Variants in NRG3 observed in about 807,000 individuals in gnomAD.
NRG3 encodes pro-neuregulin-3, membrane-bound isoform.
In NRG3, 31 loss-of-function variants were observed where a neutral mutation model predicts 66.9. The ratio of observed to expected loss-of-function variants is 0.46; its 90% CI spans 0.35 to 0.63. The LOEUF (loss-of-function observed/expected upper bound fraction) is 0.63, where lower values mean the gene tolerates loss of function less well. NRG3 is among the 20% of genes least tolerant of loss of function. NRG3 has a pLI of 0.00. For synonymous variants in NRG3, 393 were observed against 359.4 expected (o/e 1.09, Z -1.06); for missense variants, 910 against 878.9 (o/e 1.04, Z -0.45).
chr10:82,530,543 T>G (rs1231414036), intron 2 of NRG3, among the ~76,000 whole-genome samples: 1 of 152,118 alleles, frequency 6.6e-6, no homozygotes, highest in East Asian at 1.9e-4. Flanking sequence ...GAATCATATA[T>G]AACTTTTTTT....
Position 81,876,862 on chromosome 10 carries a change from G to C in NRG3, c.823+699G>C, listed in dbSNP as rs148321683. 1.6e-3 allele frequency among the ~76,000 whole-genome samples: 244 copies of C among 152,158 alleles called. 1 individual carries two copies. The highest frequency in any genetic ancestry group is 1.9e-3 in the Non-Finnish European group (126 of 67,986). ...TAGATTCTGTGACCGCCGAGAGTGA[G>C]TTAACTAGGAGGAAATATGAAGGGA... On this transcript the variant is annotated intron_variant, in intron 1 of 8. Coordinates refer to ENST00000372141, the MANE Select transcript of NRG3 (RefSeq NM_001010848.4).
rs1256913958 is a variant in NRG3 at position 82,152,649 on chromosome 10, A to C, written c.824-206090A>C. 2.0e-5 allele frequency among the ~76,000 whole-genome samples: 3 copies of C among 152,054 alleles called. No homozygotes were observed. In the East Asian group the frequency reaches 5.8e-4, roughly 29 times the overall value. On this transcript the variant is annotated intron_variant, in intron 1 of 8. Transcript: ENST00000372141. ...TTTGGACCTCAGCTCCCTCATTGTCAAATAGATAATAATTCCCATCTCACA... is the reference window on the plus strand; with the variant it reads ...TTTGGACCTCAGCTCCCTCATTGTCCAATAGATAATAATTCCCATCTCACA...
intron 2 of NRG3, among the ~76,000 whole-genome samples, chr10:82,730,530 T>C (rs2057849353): frequency 6.6e-6 from 1 of 152,234 alleles, no homozygotes; most frequent in Non-Finnish European, 1.5e-5. Flanking sequence ...TCAAGAGTTC[T>C]AAAGCAGCCG....
At chr10:82,392,011 C>CAAAAAAAAAAAAAAAAAA in intron 2 of NRG3, among the ~76,000 whole-genome samples, 1 of 73,170 alleles carries the variant, frequency 1.4e-5, no homozygotes, top group Non-Finnish European at 2.7e-5. Flanking sequence ...AAAAAAAAAA[C>CAAAAAAAAAAAAAAAAAA]AAAAAAAAAA....
At chr10:82,886,068 G>A (rs1254355258) in intron 4 of NRG3, among the ~76,000 whole-genome samples, 1 of 151,968 alleles carries the variant, frequency 6.6e-6, no homozygotes, top group Non-Finnish European at 1.5e-5. Flanking sequence ...GTTTTGCCAC[G>A]TTGGCCAGGC....
intron 1 of NRG3, among the ~76,000 whole-genome samples, chr10:82,332,018 G>A (rs2082159250): frequency 6.6e-6 from 1 of 152,138 alleles, no homozygotes; most frequent in Non-Finnish European, 1.5e-5. Context: ...ATGGGCAATT[G>A]TTTGCCCACT....
intron 3 of NRG3, among the ~76,000 whole-genome samples, chr10:82,797,158 C>T (rs971220938): frequency 2.6e-5 from 4 of 152,048 alleles, no homozygotes; most frequent in Admixed American, 2.0e-4. Flanking sequence ...AAAGTCTTTC[C>T]TGCTCTGGAC....
chr10:81,959,525 A>G (rs1850154742), intron 1 of NRG3, among the ~76,000 whole-genome samples: 1 of 152,046 alleles, frequency 6.6e-6, no homozygotes, highest in African/African-American at 2.4e-5. Flanking sequence ...CTTATTACAG[A>G]TTGTATATTA....
At chr10:82,794,697 T>C (rs147179788) in intron 3 of NRG3, among the ~76,000 whole-genome samples, 3 of 152,150 alleles carry the variant, frequency 2.0e-5, no homozygotes, top group African/African-American at 4.8e-5. Context: ...CCCTCAAGCT[T>C]AACTTCCAAT....
intron 2 of NRG3, among the ~76,000 whole-genome samples, chr10:82,557,001 T>C (rs1269857457): frequency 6.6e-6 from 1 of 152,232 alleles, no homozygotes; most frequent in African/African-American, 2.4e-5. Flanking sequence ...TAGTATTCCA[T>C]GTTGTACATG....
chr10:82,543,298 G>T (rs1395837542), intron 2 of NRG3, among the ~76,000 whole-genome samples: 3 of 152,026 alleles, frequency 2.0e-5, no homozygotes, highest in Non-Finnish European at 2.9e-5. Flanking sequence ...CCCTAATTTT[G>T]TCATCATTTT....
chr10:82,171,765 C>T (rs953334706), intron 1 of NRG3, among the ~76,000 whole-genome samples: 1 of 151,988 alleles, frequency 6.6e-6, no homozygotes, highest in Non-Finnish European at 1.5e-5. Context: ...GATATTCTGG[C>T]CACTGCATCC....
At chr10:82,596,262 AG>A (rs1285512979) in intron 2 of NRG3, among the ~76,000 whole-genome samples, 1 of 152,192 alleles carries the variant, frequency 6.6e-6, no homozygotes, top group African/African-American at 2.4e-5. Context: ...TTGTGCTTAA[AG>A]CATGAGAAGT....
intron 2 of NRG3, among the ~76,000 whole-genome samples, chr10:82,668,136 C>T (rs2134013587): frequency 6.6e-6 from 1 of 152,244 alleles, no homozygotes; most frequent in South Asian, 2.1e-4. Context: ...CGCACCCTCT[C>T]CTTTTTAACT....
At chr10:82,162,898 G>A (rs1457551756) in intron 1 of NRG3, among the ~76,000 whole-genome samples, 1 of 152,122 alleles carries the variant, frequency 6.6e-6, no homozygotes, top group Non-Finnish European at 1.5e-5. Context: ...TAAACCATGT[G>A]AATCTCCTCC....
chr10:82,199,585 T>G (rs1338295330), intron 1 of NRG3, among the ~76,000 whole-genome samples: 1 of 152,228 alleles, frequency 6.6e-6, no homozygotes, highest in Non-Finnish European at 1.5e-5. Context: ...GAAATAGTTT[T>G]AGGCAGTTTA....
In NRG3 at chr10:82,756,584, C is replaced by A. The variant is rs368959323; in HGVS notation, c.1027+17934C>A. On this transcript the variant is annotated intron_variant, in intron 3 of 8. Transcript: ENST00000372141. The stretch of plus-strand genomic sequence containing the variant: ...ATTTCACAAGTAAGTACAAATTCTT[C>A]TTTTCAGAGTGGAGAAAGAAATATA... 3.6e-4 allele frequency among the ~76,000 whole-genome samples: 55 copies of A among 152,194 alleles called. 1 individual carries two copies. The highest frequency in any genetic ancestry group is 1.2e-3 in the African/African-American group (50 of 41,556).
chr10:82,170,654 G>GTATATATATATA (rs370773918), intron 1 of NRG3, among the ~76,000 whole-genome samples: 14 of 74,190 alleles, frequency 1.9e-4, no homozygotes, highest in South Asian at 4.3e-4. Context: ...AAAACTTGTG[G>GTATATATATATA]TATATATATA....
intron 1 of NRG3, among the ~76,000 whole-genome samples, chr10:82,162,597 C>T (rs922286305): frequency 1.3e-5 from 2 of 152,106 alleles, no homozygotes; most frequent in African/African-American, 4.8e-5. Context: ...TGCCCTTTTT[C>T]ACTGAACCCA....
Sources: allele counts gnomAD v4.1 joint callset (sites outside exome capture counted in the v4.1 genomes callset), GRCh38; gene constraint gnomAD v4.1.1; transcripts MANE v1.5; gene names NCBI Gene and HGNC (gene_info 2026-07-23, HGNC 2026-07-21).